Variants in USP25 observed in about 807,000 individuals in gnomAD.
USP25 encodes the protein ubiquitin specific peptidase 25.
Under a neutral mutation model 158.5 loss-of-function variants are expected in USP25, and 85 were observed. That is an observed-to-expected ratio of 0.54 (90% confidence interval 0.45 to 0.64). The LOEUF is 0.64. Among genes scored for constraint, USP25 ranks in the 30% least tolerant of loss-of-function variants. The pLI, the probability that USP25 is intolerant of heterozygous loss-of-function variation, is 0.00. For synonymous variants in USP25, 464 were observed against 460.4 expected (o/e 1.01, Z -0.10); for missense variants, 1,242 against 1,327.3 (o/e 0.94, Z 1.00).
At chr21:15,753,026 A>G (rs2033135218) in intron 1 of USP25, among the ~76,000 whole-genome samples, 2 of 152,224 alleles carry the variant, frequency 1.3e-5, no homozygotes, top group South Asian at 4.1e-4. Context: ...GAGTTTTACT[A>G]CTTGTCACAA....
At chr21:15,808,788 C>T (rs2036517408) in intron 7 of USP25, 21 bp from the exon 8 acceptor site, 11 of 1,568,192 alleles carry the variant, frequency 7.0e-6, no homozygotes, top group Non-Finnish European at 9.5e-6. Context: ...CAAATATCAA[C>T]AGGCTTTTTT....
intron 16 of USP25, 29 bp downstream of exon 16, chr21:15,831,658 TTAAA>T (rs1325053230): frequency 6.3e-7 from 1 of 1,585,738 alleles, no homozygotes; most frequent in South Asian, 1.1e-5. Flanking sequence ...GTGTGTATTT[TTAAA>T]TAGTCATAAA....
chr21:15,819,114 A>T (rs1168040210), intron 10 of USP25, among the ~76,000 whole-genome samples: 2 of 152,208 alleles, frequency 1.3e-5, no homozygotes, highest in Non-Finnish European at 2.9e-5. Context: ...CTTTCAATCA[A>T]GGTACCAGCC....
chr21:15,731,868 A>G (rs2030946194), intron 1 of USP25, among the ~76,000 whole-genome samples: 1 of 152,226 alleles, frequency 6.6e-6, no homozygotes, highest in Admixed American at 6.5e-5. Flanking sequence ...TGTGAACGCT[A>G]AGCAATATTT....
At chr21:15,824,701 C>T (rs2037409233) in intron 11 of USP25, among the ~76,000 whole-genome samples, 1 of 152,188 alleles carries the variant, frequency 6.6e-6, no homozygotes, top group African/African-American at 2.4e-5. Context: ...ACTGCAAACA[C>T]CATCTCCTGG....
At chr21:15,774,207 G>A (rs1016808065) in intron 3 of USP25, among the ~76,000 whole-genome samples, 1 of 152,148 alleles carries the variant, frequency 6.6e-6, no homozygotes, top group Admixed American at 6.5e-5. Flanking sequence ...AAATCCATTA[G>A]TGTTTCTTGC....
At chr21:15,763,808 T>C (rs928987925) in intron 2 of USP25, among the ~76,000 whole-genome samples, 1 of 152,182 alleles carries the variant, frequency 6.6e-6, no homozygotes, top group African/African-American at 2.4e-5. Context: ...CATTTAGTAC[T>C]ACCAGGCAGT....
intron 9 of USP25, among the ~76,000 whole-genome samples, chr21:15,813,501 A>G (rs2036778253): frequency 6.6e-6 from 1 of 152,232 alleles, no homozygotes; most frequent in Non-Finnish European, 1.5e-5. Context: ...TACATATAAT[A>G]AAGGAATTAC....
At chr21:15,867,503 C>A (rs1638986160) in intron 22 of USP25, among the ~76,000 whole-genome samples, 1 of 151,942 alleles carries the variant, frequency 6.6e-6, no homozygotes, top group Admixed American at 6.6e-5. Context: ...GAATTGTGAG[C>A]ACTGAAAGCT....
At chr21:15,768,803 G>T (rs1423499705) in intron 3 of USP25, among the ~76,000 whole-genome samples, 4 of 152,032 alleles carry the variant, frequency 2.6e-5, no homozygotes, top group Admixed American at 6.6e-5. Flanking sequence ...AAATATGGCA[G>T]GGATTTTTAT....
intron 3 of USP25, among the ~76,000 whole-genome samples, chr21:15,767,573 C>G (rs147192005): frequency 6.6e-6 from 1 of 151,836 alleles, no homozygotes; most frequent in Non-Finnish European, 1.5e-5. Flanking sequence ...AAGCTTGTTG[C>G]AAAAAGTTGA....
chr21:15,778,029 T>G lies in USP25; in HGVS notation c.392+2T>G. The G allele has an allele frequency of 1.9e-6, 3 of 1,592,378 alleles. No individual in the cohort carries two copies. The highest frequency in any genetic ancestry group is 2.6e-6 in the Non-Finnish European group (3 of 1,173,576). On this transcript the variant is annotated splice_donor_variant, in intron 4 of 25. Coordinates refer to ENST00000400183, the MANE Select transcript of USP25 (RefSeq NM_001283041.3). LOFTEE classifies it high-confidence loss of function. ...TGATGAGGAACAAGCCATTAGCAGG[T>G]AAAAACATAATTTGTATAAAGCAGA...
intron 20 of USP25, among the ~76,000 whole-genome samples, chr21:15,858,783 C>A (rs999540709): frequency 6.6e-6 from 1 of 151,700 alleles, no homozygotes; most frequent in African/African-American, 2.4e-5. Context: ...AGTTTTGGTT[C>A]CGCTTTATGA....
At chr21:15,818,194 C>T (rs1476894312) in intron 9 of USP25, among the ~76,000 whole-genome samples, 2 of 152,132 alleles carry the variant, frequency 1.3e-5, no homozygotes, top group South Asian at 2.1e-4. Flanking sequence ...CCCTGCTCTC[C>T]CCACCACCTC....
chr21:15,782,384 C>T (rs1312663220), intron 4 of USP25, among the ~76,000 whole-genome samples: 1 of 152,238 alleles, frequency 6.6e-6, no homozygotes, highest in Non-Finnish European at 1.5e-5. Context: ...TGGAGGCACT[C>T]TTTCCGCAGC....
chr21:15,759,846 G>A (rs778136278), intron 1 of USP25, among the ~76,000 whole-genome samples: 8 of 152,064 alleles, frequency 5.3e-5, no homozygotes, highest in Non-Finnish European at 7.4e-5. Context: ...TTTGGTTTAC[G>A]GTATAAAAAC....
chr21:15,784,613 C>T (rs558750089), intron 4 of USP25, among the ~76,000 whole-genome samples: 7 of 151,878 alleles, frequency 4.6e-5, no homozygotes, highest in African/African-American at 1.7e-4. Flanking sequence ...GCAATCAAAA[C>T]ACTAATCATG....
intron 19 of USP25, among the ~76,000 whole-genome samples, chr21:15,849,539 A>G (rs1377713890): frequency 6.6e-6 from 1 of 152,162 alleles, no homozygotes; most frequent in Non-Finnish European, 1.5e-5. Flanking sequence ...TGCCTTTTTC[A>G]AATTCTCCAA....
chr21:15,867,714 A>G (rs1357981625), intron 22 of USP25, among the ~76,000 whole-genome samples: 2 of 152,156 alleles, frequency 1.3e-5, no homozygotes, highest in East Asian at 1.9e-4. Context: ...CCCTTTTGCC[A>G]GTAAAAAAAG....
Sources: gnomAD v4.1 joint callset for allele counts (sites outside exome capture counted in the v4.1 genomes callset) on GRCh38, gnomAD v4.1.1 for gene constraint, MANE v1.5 for transcripts, NCBI Gene and HGNC (gene_info 2026-07-23, HGNC 2026-07-21) for gene names.